The following KCNIP4 variants were observed in gnomAD, a reference collection of about 807,000 sequenced individuals.
KCNIP4 encodes Kv channel-interacting protein 4.
A neutral mutation model predicts 34.0 loss-of-function variants in KCNIP4; 12 were observed. The observed-to-expected ratio is 0.35, with a 90% CI of 0.23 to 0.57. The LOEUF is 0.57. Among genes scored for constraint, KCNIP4 ranks in the 20% least tolerant of loss-of-function variants. The probability of loss-of-function intolerance (pLI) is 0.83; values close to 1 mark genes in which losing one functional copy is unlikely to be tolerated. For synonymous variants in KCNIP4, 124 were observed against 102.2 expected (o/e 1.21, Z -1.29); for missense variants, 238 against 311.7 (o/e 0.76, Z 1.78).
chr4:21,205,364 C>T (rs531995963), intron 1 of KCNIP4, among the ~76,000 whole-genome samples: 11 of 152,210 alleles, frequency 7.2e-5, no homozygotes, highest in Admixed American at 2.6e-4. Context: ...ACATGACAGA[C>T]GCTTCAGGAG....
intron 1 of KCNIP4, among the ~76,000 whole-genome samples, chr4:20,946,304 G>A (rs1156406607): frequency 6.6e-6 from 1 of 152,216 alleles, no homozygotes; most frequent in Non-Finnish European, 1.5e-5. Flanking sequence ...TTAAGGAGAA[G>A]AAGCCATGTG....
chr4:21,526,726 A>G (rs1417001493), intron 1 of KCNIP4, among the ~76,000 whole-genome samples: 1 of 152,160 alleles, frequency 6.6e-6, no homozygotes, highest in African/African-American at 2.4e-5. Flanking sequence ...GGCCATATTT[A>G]CAGAGACTAA....
At chr4:21,665,867 A>T (rs1200898666) in intron 1 of KCNIP4, among the ~76,000 whole-genome samples, 1 of 152,150 alleles carries the variant, frequency 6.6e-6, no homozygotes, top group African/African-American at 2.4e-5. Flanking sequence ...TGAAGCCTTC[A>T]TCCTTCCTCT....
intron 1 of KCNIP4, among the ~76,000 whole-genome samples, chr4:21,311,915 C>T (rs905550225): frequency 7.9e-5 from 12 of 152,110 alleles, no homozygotes; most frequent in African/African-American, 2.4e-4. Flanking sequence ...TATTTGACTG[C>T]TTCATAAGTC....
chr4:21,458,745 C>T (rs2109767842), intron 1 of KCNIP4, among the ~76,000 whole-genome samples: 1 of 152,150 alleles, frequency 6.6e-6, no homozygotes, highest in South Asian at 2.1e-4. Context: ...CTTGTTGTTT[C>T]TCACCTCCAA....
intron 3 of KCNIP4, among the ~76,000 whole-genome samples, chr4:20,776,689 T>A (rs924008747): frequency 2.0e-5 from 3 of 152,238 alleles, no homozygotes; most frequent in Non-Finnish European, 4.4e-5. Context: ...TAATTATGTT[T>A]TATTTTTTTC....
intron 1 of KCNIP4, among the ~76,000 whole-genome samples, chr4:21,589,193 T>TGTAC (rs1741929902): frequency 3.8e-4 from 17 of 44,610 alleles, no homozygotes; most frequent in Non-Finnish European, 8.0e-4. Flanking sequence ...TATATATATA[T>TGTAC]ATATATATGT....
rs987878475 is a variant in KCNIP4 at position 21,558,289 on chromosome 4, C to T, written c.61+390282G>A. On this transcript the variant is annotated intron_variant, in intron 1 of 8. Coordinates refer to ENST00000382152, the MANE Select transcript of KCNIP4 (RefSeq NM_025221.6). Reference sequence around the variant, plus strand: ...GGTGGATCACTTGAGGCCAGGAGTTCGAGACCAGCCTGGCCAACATGGTGA... The same window carrying T: ...GGTGGATCACTTGAGGCCAGGAGTTTGAGACCAGCCTGGCCAACATGGTGA... Among the ~76,000 whole-genome samples the T allele has an allele frequency of 8.6e-5, 13 of 152,018 alleles. No homozygotes were observed. The East Asian group carries it at 2.5e-3, about 29-fold the overall frequency.
At chr4:21,222,423 T>C (rs1758047869) in intron 1 of KCNIP4, among the ~76,000 whole-genome samples, 1 of 152,160 alleles carries the variant, frequency 6.6e-6, no homozygotes, top group African/African-American at 2.4e-5. Flanking sequence ...TTCTAAAGAC[T>C]CAGTCTTAGA....
At chr4:21,695,069 T>C (rs527712515) in intron 1 of KCNIP4, among the ~76,000 whole-genome samples, 2 of 152,112 alleles carry the variant, frequency 1.3e-5, no homozygotes, top group African/African-American at 4.8e-5. Context: ...GCTGCCTGCA[T>C]ATCCAACCTT....
intron 2 of KCNIP4, among the ~76,000 whole-genome samples, chr4:20,875,741 G>C (rs930715862): frequency 1.2e-4 from 19 of 152,130 alleles, no homozygotes; most frequent in Admixed American, 1.0e-3. Flanking sequence ...AAATCCTGGA[G>C]GTTACTGTTG....
chr4:21,267,818 G>T (rs372366311), intron 1 of KCNIP4, among the ~76,000 whole-genome samples: 9 of 149,068 alleles, frequency 6.0e-5, no homozygotes, highest in East Asian at 3.9e-4. Flanking sequence ...CTCTTTTTTG[G>T]TTGTGTCTCT....
chr4:21,386,562 G>A (rs1315315530), intron 1 of KCNIP4, among the ~76,000 whole-genome samples: 2 of 152,228 alleles, frequency 1.3e-5, no homozygotes, highest in East Asian at 3.9e-4. Context: ...ATATTTCTGA[G>A]GATTACTATT....
intron 1 of KCNIP4, among the ~76,000 whole-genome samples, chr4:20,984,197 C>G (rs1036969254): frequency 6.6e-6 from 1 of 152,224 alleles, no homozygotes; most frequent in African/African-American, 2.4e-5. Context: ...TATGCTGCAG[C>G]CAGCGGGCGA....
At chr4:20,844,575 A>G (rs1720139901) in intron 3 of KCNIP4, among the ~76,000 whole-genome samples, 1 of 152,196 alleles carries the variant, frequency 6.6e-6, no homozygotes, top group African/African-American at 2.4e-5. Flanking sequence ...TTGTGACAAA[A>G]GAGCAATTGC....
chr4:20,784,849 C>A (rs1231215581), intron 3 of KCNIP4, among the ~76,000 whole-genome samples: 2 of 152,042 alleles, frequency 1.3e-5, no homozygotes, highest in Admixed American at 1.3e-4. Flanking sequence ...AGTTTTGGAC[C>A]CTTACTGGGA....
At chr4:20,903,834 A>C (rs1471580527) in intron 1 of KCNIP4, among the ~76,000 whole-genome samples, 1 of 152,116 alleles carries the variant, frequency 6.6e-6, no homozygotes, top group Non-Finnish European at 1.5e-5. Flanking sequence ...GAAATTAATG[A>C]GAAACTAGCA....
chr4:21,180,713 G>GTA (rs1258437506), intron 1 of KCNIP4, among the ~76,000 whole-genome samples: 2 of 150,102 alleles, frequency 1.3e-5, no homozygotes, highest in Admixed American at 1.3e-4. Flanking sequence ...GTATATTTGT[G>GTA]TATATATATA....
chr4:21,036,682 C>A (rs1560665876), intron 1 of KCNIP4, among the ~76,000 whole-genome samples: 1 of 152,154 alleles, frequency 6.6e-6, no homozygotes, highest in Admixed American at 6.5e-5. Flanking sequence ...GCCGAGATGG[C>A]ACCACTGCAC....
Sources: allele counts gnomAD v4.1 joint callset (sites outside exome capture counted in the v4.1 genomes callset), GRCh38; gene constraint gnomAD v4.1.1; transcripts MANE v1.5; gene names NCBI Gene and HGNC (gene_info 2026-07-23, HGNC 2026-07-21).